The following TCF12 variants were observed in gnomAD, a reference collection of about 807,000 sequenced individuals.
TCF12 encodes transcription factor 12.
TCF12 carries 45 observed loss-of-function variants against 86.0 expected under a neutral mutation model. The ratio of observed to expected loss-of-function variants is 0.52; its 90% CI spans 0.41 to 0.67. The LOEUF (loss-of-function observed/expected upper bound fraction) is 0.67, where lower values mean the gene tolerates loss of function less well. Ranked by LOEUF, TCF12 falls within the 30% of genes least tolerant of loss-of-function variation. The pLI is 0.00. For synonymous variants in TCF12, 330 were observed against 299.6 expected (o/e 1.10, Z -1.05); for missense variants, 881 against 859.9 (o/e 1.02, Z -0.31).
At chr15:57,212,172 T>C (rs1418018995) in intron 8 of TCF12, among the ~76,000 whole-genome samples, 1 of 152,186 alleles carries the variant, frequency 6.6e-6, no homozygotes, top group Non-Finnish European at 1.5e-5. Context: ...TCAGGTTTCT[T>C]TCACTGGAAT....
intron 5 of TCF12, among the ~76,000 whole-genome samples, chr15:57,143,749 G>T (rs1426989716): frequency 1.3e-5 from 2 of 152,158 alleles, no homozygotes. Context: ...TTTGGAGTTT[G>T]TATACCTAAC....
intron 4 of TCF12, among the ~76,000 whole-genome samples, chr15:57,079,108 C>G (rs974414956): frequency 6.6e-6 from 1 of 152,132 alleles, no homozygotes; most frequent in Non-Finnish European, 1.5e-5. Context: ...GACTAAATGT[C>G]TGAATTGAAG....
intron 4 of TCF12, among the ~76,000 whole-genome samples, chr15:57,084,759 G>A (rs1157859026): frequency 6.6e-6 from 1 of 151,708 alleles, no homozygotes; most frequent in African/African-American, 2.4e-5. Context: ...AGAAGGCAAA[G>A]GGAGAAAATT....
chr15:57,236,363 G>A (rs990410398), intron 12 of TCF12, among the ~76,000 whole-genome samples: 1 of 152,148 alleles, frequency 6.6e-6, no homozygotes, highest in Non-Finnish European at 1.5e-5. Context: ...TAGAAGAGAT[G>A]AGGAGAAGGA....
intron 3 of TCF12, among the ~76,000 whole-genome samples, chr15:56,950,375 G>C (rs748160795): frequency 6.6e-6 from 1 of 151,814 alleles, no homozygotes; most frequent in Non-Finnish European, 1.5e-5. Context: ...GCAGGTGCAC[G>C]CCACCATGCC....
intron 5 of TCF12, among the ~76,000 whole-genome samples, chr15:57,145,164 C>A (rs1359083266): frequency 6.6e-6 from 1 of 152,148 alleles, no homozygotes; most frequent in East Asian, 1.9e-4. Context: ...CTTTAGTCTT[C>A]TGCTCTAAAG....
At chr15:57,119,791 C>T (rs1409501607) in intron 5 of TCF12, among the ~76,000 whole-genome samples, 2 of 152,016 alleles carry the variant, frequency 1.3e-5, no homozygotes, top group African/African-American at 2.4e-5. Context: ...TAGGAATTCA[C>T]CTCTTTCTCT....
chr15:56,937,038 G>A (rs2060499635), intron 3 of TCF12, among the ~76,000 whole-genome samples: 1 of 152,076 alleles, frequency 6.6e-6, no homozygotes, highest in Admixed American at 6.5e-5. Flanking sequence ...GAATTGCATT[G>A]AATTTGTGGA....
At chr15:57,016,975 C>T (rs181456378) in intron 3 of TCF12, among the ~76,000 whole-genome samples, 8 of 152,236 alleles carry the variant, frequency 5.3e-5, no homozygotes, top group South Asian at 2.1e-4. Flanking sequence ...TGGGCTCATC[C>T]GTGTTGCTGT....
intron 5 of TCF12, among the ~76,000 whole-genome samples, chr15:57,128,409 A>C (rs1315651717): frequency 1.3e-5 from 2 of 152,192 alleles, no homozygotes; most frequent in African/African-American, 4.8e-5. Context: ...TGCTCTGTTC[A>C]TTTAATCTTC....
intron 8 of TCF12, among the ~76,000 whole-genome samples, chr15:57,229,320 A>G (rs1192183656): frequency 6.6e-6 from 1 of 151,992 alleles, no homozygotes; most frequent in Non-Finnish European, 1.5e-5. Flanking sequence ...AATACCTTTA[A>G]ACCAGAAAAG....
chr15:57,237,460 C>T (rs1597526672), intron 12 of TCF12, among the ~76,000 whole-genome samples: 2 of 152,056 alleles, frequency 1.3e-5, no homozygotes, highest in Non-Finnish European at 1.5e-5. Flanking sequence ...TGGAATAGAC[C>T]ATGACTGATA....
intron 5 of TCF12, among the ~76,000 whole-genome samples, chr15:57,125,005 C>G (rs2051531854): frequency 6.6e-6 from 1 of 152,158 alleles, no homozygotes; most frequent in Admixed American, 6.5e-5. Flanking sequence ...GTGGTTGCAT[C>G]AACCTGATTA....
intron 6 of TCF12, among the ~76,000 whole-genome samples, chr15:57,181,718 T>A (rs2151646204): frequency 1.3e-5 from 2 of 152,336 alleles, no homozygotes; most frequent in South Asian, 4.1e-4. Flanking sequence ...TCACATAGGC[T>A]GTTAAAGTTC....
chr15:56,948,444 T>C (rs2061111999), intron 3 of TCF12, among the ~76,000 whole-genome samples: 1 of 152,242 alleles, frequency 6.6e-6, no homozygotes, highest in South Asian at 2.1e-4. Context: ...GGGAAAAGTT[T>C]TCTTTTCTTT....
chr15:57,049,782 A>G (rs1296021353), intron 3 of TCF12, among the ~76,000 whole-genome samples: 4 of 152,320 alleles, frequency 2.6e-5, no homozygotes, highest in Non-Finnish European at 4.4e-5. Context: ...CTTGTTTCCC[A>G]GACTGATTTT....
intron 17 of TCF12, among the ~76,000 whole-genome samples, chr15:57,262,800 T>C (rs907965795): frequency 1.5e-4 from 23 of 152,210 alleles, no homozygotes; most frequent in Non-Finnish European, 2.1e-4. Flanking sequence ...CTCTGCAACA[T>C]CTTAGAAGTT....
intron 4 of TCF12, among the ~76,000 whole-genome samples, chr15:57,079,302 G>C (rs191372035): frequency 1.8e-3 from 281 of 152,224 alleles, no homozygotes; most frequent in Middle Eastern, 3.4e-3. Context: ...AGGTGAAGAT[G>C]CTGACTTGTG....
chr15:57,265,070 TAGTATAGTATAGTA>T (rs1309424435), intron 18 of TCF12, among the ~76,000 whole-genome samples: 3 of 4,964 alleles, frequency 6.0e-4, no homozygotes, highest in Non-Finnish European at 4.5e-3. Context: ...TAATGATAAA[TAGTATAGTATAGTA>T]TAGTATAGTA....
Sources: allele counts gnomAD v4.1 joint callset (sites outside exome capture counted in the v4.1 genomes callset), GRCh38; gene constraint gnomAD v4.1.1; transcripts MANE v1.5; gene names NCBI Gene and HGNC (gene_info 2026-07-23, HGNC 2026-07-21).